Variants in CPVL observed in about 807,000 individuals in gnomAD.
CPVL encodes the protein probable serine carboxypeptidase CPVL.
CPVL carries 51 observed loss-of-function variants against 63.7 expected under a neutral mutation model. The ratio of observed to expected loss-of-function variants is 0.80; its 90% CI spans 0.64 to 1.01. The LOEUF (loss-of-function observed/expected upper bound fraction) is 1.01. CPVL is among the 50% of genes least tolerant of loss of function. CPVL has a pLI of 0.00. For synonymous variants in CPVL, 195 were observed against 206.0 expected (o/e 0.95, Z 0.46); for missense variants, 530 against 573.1 (o/e 0.92, Z 0.77).
chr7:29,088,439 T>G (rs1015265449), intron 6 of CPVL, among the ~76,000 whole-genome samples: 14 of 149,848 alleles, frequency 9.3e-5, no homozygotes, highest in Non-Finnish European at 1.8e-4. Context: ...TCAGTTTTTA[T>G]TTCACAGCCA....
chr7:29,073,932 G>C (rs959961645), intron 7 of CPVL, among the ~76,000 whole-genome samples: 12 of 152,206 alleles, frequency 7.9e-5, no homozygotes, highest in Middle Eastern at 3.2e-3. Context: ...ACAGACTAGA[G>C]ACATTATGTG....
chr7:29,112,144 C>T (rs1788297731), intron 3 of CPVL, among the ~76,000 whole-genome samples: 1 of 152,204 alleles, frequency 6.6e-6, no homozygotes, highest in Non-Finnish European at 1.5e-5. Flanking sequence ...ATCGGCAATC[C>T]TCCCAATCTT....
chr7:29,089,139 G>A (rs1785513283), intron 6 of CPVL, among the ~76,000 whole-genome samples: 1 of 152,150 alleles, frequency 6.6e-6, no homozygotes, highest in African/African-American at 2.4e-5. Flanking sequence ...CAGAATTTTA[G>A]TTAAGGGCTC....
intron 7 of CPVL, among the ~76,000 whole-genome samples, chr7:29,083,168 G>C (rs1784901846): frequency 6.6e-6 from 1 of 152,220 alleles, no homozygotes; most frequent in Admixed American, 6.5e-5. Context: ...GAGAGAAGTT[G>C]CTAGTTCCAG....
chr7:29,070,454 T>G (rs573914549), intron 9 of CPVL, among the ~76,000 whole-genome samples: 56 of 152,380 alleles, frequency 3.7e-4, no homozygotes, highest in African/African-American at 1.3e-3. Context: ...ACATAAAATT[T>G]GGTATTAATT....
At chr7:29,058,996 C>T (rs900368451) in intron 11 of CPVL, among the ~76,000 whole-genome samples, 3 of 151,766 alleles carry the variant, frequency 2.0e-5, no homozygotes, top group African/African-American at 7.3e-5. Context: ...AATATTGCTT[C>T]CATTTCCTTC....
chr7:29,104,980 G>A (rs1787580291), intron 3 of CPVL, among the ~76,000 whole-genome samples: 1 of 151,838 alleles, frequency 6.6e-6, no homozygotes, highest in Non-Finnish European at 1.5e-5. Flanking sequence ...TTTTTATTTT[G>A]TCTCTGACAC....
chr7:29,147,067 AT>A (rs1792829544), upstream of CPVL: 1 of 1,452,948 alleles, frequency 6.9e-7, no homozygotes, highest in Middle Eastern at 2.1e-4. Flanking sequence ...CCATTTTGCA[AT>A]TGGGGGACAC....
chr7:29,194,214 C>A (rs1319919306), intron 1 of CPVL: 1 of 143,182 alleles, frequency 7.0e-6, no homozygotes, highest in East Asian at 2.4e-4. Flanking sequence ...CCATCCCCTT[C>A]AAATCCTAGG....
At chr7:29,103,914 C>T (rs1302208099) in intron 3 of CPVL, among the ~76,000 whole-genome samples, 3 of 152,278 alleles carry the variant, frequency 2.0e-5, no homozygotes, top group Admixed American at 1.3e-4. Context: ...GTCATTAGTA[C>T]CCCAAGTAAA....
intron 1 of CPVL, among the ~76,000 whole-genome samples, chr7:29,135,081 A>T (rs868105129): frequency 2.1e-4 from 30 of 144,190 alleles, no homozygotes; most frequent in African/African-American, 7.3e-4. Flanking sequence ...TCCAGCCTAG[A>T]TGACAGAGAG....
Position 29,090,264 on chromosome 7 carries a change from G to A in CPVL, c.542+2359C>T, listed in dbSNP as rs543509219. 2.0e-4 allele frequency among the ~76,000 whole-genome samples: 31 copies of A among 152,300 alleles called. 3 individuals carry two copies. In the South Asian group the frequency reaches 6.2e-3, roughly 31 times the overall value. On this transcript the variant is annotated intron_variant, in intron 6 of 12. Transcript: ENST00000265394. ...CTGGACCGATACAAGCTCAGCAACA[G>A]GAATCCTGGCAGTGCTGCTCTGTTG...
At position 29,066,018 on chromosome 7, in the gene CPVL, A is replaced by G. The variant is rs756466390; in HGVS notation, c.963+5T>C. On this transcript the variant is annotated splice_donor_5th_base_variant and intron_variant, in intron 10 of 12. Transcript: ENST00000265394. Reference sequence around the variant, plus strand: ...ACATTATTATGGTTTTTAAAATGTCATTACCGTGCACCGCAAAAAGTTATA... The same window carrying G: ...ACATTATTATGGTTTTTAAAATGTCGTTACCGTGCACCGCAAAAAGTTATA... 2.6e-6 allele frequency: 4 copies of G among 1,522,016 alleles called. No individual in the cohort carries two copies. The highest frequency in any genetic ancestry group is 2.7e-6 in the Non-Finnish European group (3 of 1,115,952). 94.3% of individuals were successfully genotyped at this position (1,522,016 alleles called of 1,614,324 possible). A position where few individuals can be genotyped will look rare whatever the true frequency, so the allele number is the denominator to read the frequency against.
intron 5 of CPVL, among the ~76,000 whole-genome samples, chr7:29,151,853 G>A (rs905411646): frequency 2.0e-5 from 3 of 152,210 alleles, no homozygotes; most frequent in African/African-American, 7.2e-5. Context: ...GAAATTGTAT[G>A]TATAGCCATC....
At chr7:28,996,905 T>G (rs115048447) in intron 12 of CPVL, among the ~76,000 whole-genome samples, 13 of 152,260 alleles carry the variant, frequency 8.5e-5, no homozygotes, top group African/African-American at 3.1e-4. Context: ...TTCTTTTGAG[T>G]CAAGTTAAGA....
chr7:29,064,813 G>C (rs1011412450), intron 10 of CPVL, among the ~76,000 whole-genome samples: 6 of 149,178 alleles, frequency 4.0e-5, no homozygotes, highest in Non-Finnish European at 5.9e-5. Context: ...CCCCACAACA[G>C]TCCCCGGTGT....
chr7:29,181,052 G>T (rs1798005458), intron 5 of CPVL, among the ~76,000 whole-genome samples: 1 of 152,144 alleles, frequency 6.6e-6, no homozygotes, highest in South Asian at 2.1e-4. Flanking sequence ...AATCTCCCTA[G>T]TAATCAGTTA....
intron 1 of CPVL, among the ~76,000 whole-genome samples, chr7:29,143,891 C>T (rs1375179275): frequency 6.6e-6 from 1 of 152,208 alleles, no homozygotes; most frequent in Non-Finnish European, 1.5e-5. Flanking sequence ...CAAGGTTATA[C>T]CTCTAATATC....
chr7:29,083,339 T>C (rs1306254017), intron 7 of CPVL, among the ~76,000 whole-genome samples: 2 of 152,200 alleles, frequency 1.3e-5, no homozygotes, highest in African/African-American at 4.8e-5. Context: ...TCAGGCCTTA[T>C]GATTCAGAGT....
Sources: gnomAD v4.1 joint callset for allele counts (sites outside exome capture counted in the v4.1 genomes callset) on GRCh38, gnomAD v4.1.1 for gene constraint, MANE v1.5 for transcripts, NCBI Gene and HGNC (gene_info 2026-07-23, HGNC 2026-07-21) for gene names.